TAF11L2: variants seen among roughly 807,000 people sequenced by gnomAD.
TAF11L2 encodes TATA-box binding protein associated factor 11 like protein 2.
exon 1 of TAF11L2, chr5:17,498,625 G>T: frequency 2.5e-6 from 1 of 398,806 alleles, no homozygotes. Context: ...ATCACTGGCA[G>T]ATCGGTGTCT....
exon 1 of TAF11L2, chr5:17,498,816 A>T (rs963537271): frequency 2.5e-6 from 1 of 398,620 alleles, no homozygotes; most frequent in African/African-American, 2.1e-5. Context: ...CTACAAAAAA[A>T]TCATGTTCTA....
exon 1 of TAF11L2, chr5:17,498,420 T>C (rs1738261064): frequency 2.5e-6 from 1 of 398,826 alleles, no homozygotes; most frequent in African/African-American, 2.1e-5. Context: ...GGCCTCAGCC[T>C]CAGCTCCTCC....
exon 1 of TAF11L2, chr5:17,498,301 A>G: frequency 2.5e-6 from 1 of 398,634 alleles, no homozygotes; most frequent in Non-Finnish European, 4.4e-6. Flanking sequence ...AAGGGCAGCA[A>G]GAAGGATGGA....
chr5:17,498,319 A>C, exon 1 of TAF11L2: 1 of 398,570 alleles, frequency 2.5e-6, no homozygotes, highest in Non-Finnish European at 4.4e-6. Flanking sequence ...GGAATCCCTG[A>C]GGACCTAGAT....
exon 1 of TAF11L2, chr5:17,498,633 T>C: frequency 2.5e-6 from 1 of 398,696 alleles, no homozygotes; most frequent in Non-Finnish European, 4.4e-6. Flanking sequence ...CAGATCGGTG[T>C]CTGAGAACGT....
exon 1 of TAF11L2, chr5:17,498,278 G>A: frequency 2.5e-6 from 1 of 398,618 alleles, no homozygotes. Context: ...TGTTCGCCAT[G>A]CCCCGAGATC....
At chr5:17,498,778 A>C (rs1451562452) in exon 1 of TAF11L2, 1 of 398,546 alleles carries the variant, frequency 2.5e-6, no homozygotes, top group African/African-American at 2.1e-5. Flanking sequence ...CGCAGGTTAA[A>C]GCCCAAGGGC....
At chr5:17,498,283 G>A (rs140990704) in exon 1 of TAF11L2, 3 of 398,450 alleles carry the variant, frequency 7.5e-6, no homozygotes, top group Admixed American at 4.4e-5. Flanking sequence ...GCCATGCCCC[G>A]AGATCTGAAG....
At chr5:17,498,472 A>C (rs1269304379) in exon 1 of TAF11L2, 20 of 398,998 alleles carry the variant, frequency 5.0e-5, no homozygotes, top group Non-Finnish European at 2.2e-5. Context: ...GGAAAGAAGG[A>C]GAGGAAGCCC....
At chr5:17,498,332 G>A (rs1239238371) in exon 1 of TAF11L2, 1 of 398,448 alleles carries the variant, frequency 2.5e-6, no homozygotes, top group Non-Finnish European at 4.4e-6. Flanking sequence ...ACCTAGATGG[G>A]AACTTGGAAG....
At chr5:17,498,495 G>A (rs562100727) in exon 1 of TAF11L2, 47 of 398,846 alleles carry the variant, frequency 1.2e-4, no homozygotes, top group Non-Finnish European at 1.7e-4. Context: ...TGTGGATGCA[G>A]AGGAGGCTCA....
At chr5:17,498,607 T>C in exon 1 of TAF11L2, 1 of 398,812 alleles carries the variant, frequency 2.5e-6, no homozygotes. Flanking sequence ...GCGGGTCTGA[T>C]GCGGTCTATC....
chr5:17,498,404 C>A (rs1448928199), exon 1 of TAF11L2: 1 of 398,776 alleles, frequency 2.5e-6, no homozygotes, highest in Non-Finnish European at 4.4e-6. Flanking sequence ...CAGAAGGTGA[C>A]AATGAGGCCT....
At chr5:17,498,273 G>A (rs1184104555) in exon 1 of TAF11L2, 9 of 398,418 alleles carry the variant, frequency 2.3e-5, no homozygotes, top group East Asian at 3.6e-5. Flanking sequence ...TGAGATGTTC[G>A]CCATGCCCCG....
At chr5:17,498,603 C>G (rs1579596237) in exon 1 of TAF11L2, 1 of 398,796 alleles carries the variant, frequency 2.5e-6, no homozygotes, top group Non-Finnish European at 4.4e-6. Flanking sequence ...CATTGCGGGT[C>G]TGATGCGGTC....
At chr5:17,498,646 C>A (rs1340130323) in exon 1 of TAF11L2, 1 of 398,646 alleles carries the variant, frequency 2.5e-6, no homozygotes. Context: ...GAGAACGTGG[C>A]GATTGCCATG....
At position 17,498,677 on chromosome 5, in the gene TAF11L2, T is replaced by G. The variant is rs567176648; in HGVS notation, c.447T>G (p.Phe149Leu). 1.3e-4 allele frequency: 53 copies of G among 398,812 alleles called. 2 individuals carry two copies. The highest frequency in any genetic ancestry group is 6.6e-4 in the African/African-American group (32 of 48,458). The allele number at this position is 398,812 out of a possible 1,614,324, so 24.7% of individuals were successfully genotyped here. A position where few individuals can be genotyped will look rare whatever the true frequency, so the allele number is the denominator to read the frequency against. Residue 149 changes from phenylalanine to leucine, a missense_variant, in exon 1 of 1, where the codon TTT becomes TTG. By Grantham distance (22) the Phe-to-Leu change is conservative. Transcript: ENST00000639081. The stretch of plus-strand genomic sequence containing the variant: ...CCATGGCTGGAATAGCCAAGGTCTT[T>G]GTTGGAGAGGTGGTGGAAGAGGCCC...
chr5:17,498,716 G>C (rs1261112272), exon 1 of TAF11L2: 1 of 398,578 alleles, frequency 2.5e-6, no homozygotes, highest in Non-Finnish European at 4.4e-6. Flanking sequence ...ACGTGTGTGA[G>C]ATGTGGGGAG....
exon 1 of TAF11L2, chr5:17,498,609 C>G (rs186762678): frequency 5.0e-6 from 2 of 398,760 alleles, no homozygotes; most frequent in Non-Finnish European, 8.8e-6. Flanking sequence ...GGGTCTGATG[C>G]GGTCTATCAC....
Sources: gnomAD v4.1 joint callset for allele counts on GRCh38, gnomAD v4.1.1 for gene constraint, MANE v1.5 for transcripts, NCBI Gene and HGNC (gene_info 2026-07-23, HGNC 2026-07-21) for gene names.